Variants in MIPOL1 observed in about 807,000 individuals in gnomAD.
MIPOL1 encodes mirror-image polydactyly gene 1 protein.
In MIPOL1, 57 loss-of-function variants were observed where a neutral mutation model predicts 60.9. The observed-to-expected ratio is 0.94, with a 90% confidence interval of 0.76 to 1.17. MIPOL1 has a LOEUF of 1.17. Ranked by LOEUF, MIPOL1 falls within the 50% of genes most tolerant of loss-of-function variation. The probability of loss-of-function intolerance (pLI) is 0.00; values close to 1 mark genes in which losing one functional copy is unlikely to be tolerated. For synonymous variants in MIPOL1, 179 were observed against 168.8 expected, an observed-to-expected ratio of 1.06 and a Z score of -0.47; for missense variants, 551 against 511.6, an observed-to-expected ratio of 1.08 and a Z score of -0.74.
intron 12 of MIPOL1, among the ~76,000 whole-genome samples, chr14:37,501,149 T>C (rs1182300615): frequency 6.6e-6 from 1 of 152,206 alleles, no homozygotes; most frequent in South Asian, 2.1e-4. Context: ...CATTTTAATC[T>C]TTACTAGCCA....
chr14:37,252,032 AAT>A (rs975540558), intron 3 of MIPOL1, among the ~76,000 whole-genome samples: 1 of 151,586 alleles, frequency 6.6e-6, no homozygotes, highest in Non-Finnish European at 1.5e-5. Context: ...CTATATTGTA[AAT>A]ATATATATAT....
chr14:37,470,385 C>A (rs1438144773), intron 11 of MIPOL1, among the ~76,000 whole-genome samples: 2 of 152,040 alleles, frequency 1.3e-5, no homozygotes, highest in Non-Finnish European at 1.5e-5. Context: ...ACGGGAGGGG[C>A]CTGGCGGGAG....
In MIPOL1 at chr14:37,548,280, C is replaced by G. The variant is rs937484212; in HGVS notation, c.*1309C>G. ...TGTACCATTCTTTCATATACCATAG[C>G]AGATTATCCATTTCAATTTTTTTTT... On this transcript the variant is annotated 3_prime_UTR_variant, in exon 13 of 13. Coordinates refer to ENST00000684589, the MANE Select transcript of MIPOL1 (RefSeq NM_001388067.1). The G allele has an allele frequency of 1.3e-5, 2 of 152,010 alleles. No homozygotes were observed. The highest frequency in any genetic ancestry group is 4.8e-5 in the African/African-American group (2 of 41,424). 9.4% of individuals were successfully genotyped at this position (152,010 alleles called of 1,614,324 possible).
chr14:37,428,192 C>T (rs1304961628), intron 11 of MIPOL1, among the ~76,000 whole-genome samples: 1 of 152,186 alleles, frequency 6.6e-6, no homozygotes, highest in Non-Finnish European at 1.5e-5. Flanking sequence ...AACTTCAAGT[C>T]TGACTCTCAA....
At chr14:37,434,362 T>C (rs1279836265) in intron 11 of MIPOL1, 3 of 152,156 alleles carry the variant, frequency 2.0e-5, no homozygotes, top group African/African-American at 7.2e-5. Context: ...TATCCTTCGC[T>C]CATTTTTTGA....
intron 10 of MIPOL1, among the ~76,000 whole-genome samples, chr14:37,402,101 T>G (rs984548863): frequency 6.6e-6 from 1 of 152,142 alleles, no homozygotes; most frequent in Non-Finnish European, 1.5e-5. Flanking sequence ...AGAATGAATT[T>G]TCTTATTCAT....
intron 9 of MIPOL1, among the ~76,000 whole-genome samples, chr14:37,325,522 C>T (rs1236807397): frequency 6.6e-6 from 1 of 151,236 alleles, no homozygotes; most frequent in Non-Finnish European, 1.5e-5. Flanking sequence ...TTCTTTCCTT[C>T]CTTTCTTTTT....
chr14:37,217,605 T>C (rs7146935), intron 1 of MIPOL1, among the ~76,000 whole-genome samples: 39,442 of 152,130 alleles, frequency 0.26, 5,258 homozygotes, highest in South Asian at 0.33. Flanking sequence ...AATCAATCAA[T>C]GTGTACATCA....
intron 11 of MIPOL1, among the ~76,000 whole-genome samples, chr14:37,424,437 C>T (rs2093927156): frequency 6.6e-6 from 1 of 151,996 alleles, no homozygotes. Flanking sequence ...CCAAGGAGGG[C>T]CAACAATTGC....
intron 12 of MIPOL1, chr14:37,545,572 C>T (rs2095544265): frequency 2.0e-6 from 1 of 510,980 alleles, no homozygotes; most frequent in South Asian, 2.7e-5. Context: ...ACAAGATTTG[C>T]CTTTTTACTC....
intron 11 of MIPOL1, among the ~76,000 whole-genome samples, chr14:37,474,150 G>A (rs1296862986): frequency 6.6e-6 from 1 of 152,042 alleles, no homozygotes; most frequent in Non-Finnish European, 1.5e-5. Context: ...ATTATAGTTT[G>A]TTTATATATT....
At chr14:37,470,562 G>A (rs1472305181) in intron 11 of MIPOL1, among the ~76,000 whole-genome samples, 1 of 152,050 alleles carries the variant, frequency 6.6e-6, no homozygotes, top group Non-Finnish European at 1.5e-5. Context: ...ATGCTTGTAA[G>A]TTTTCTGAGG....
chr14:37,299,072 G>GA (rs1422327020), intron 7 of MIPOL1, among the ~76,000 whole-genome samples: 4 of 151,986 alleles, frequency 2.6e-5, no homozygotes, highest in Non-Finnish European at 5.9e-5. Flanking sequence ...TGATAGACTG[G>GA]TTAAGAAAAT....
chr14:37,513,808 G>A (rs905811034), intron 12 of MIPOL1, among the ~76,000 whole-genome samples: 3 of 152,096 alleles, frequency 2.0e-5, no homozygotes, highest in African/African-American at 2.4e-5. Flanking sequence ...TAGAACTAGA[G>A]TTGAGCTACT....
At chr14:37,384,281 A>G (rs2093006781) in intron 10 of MIPOL1, among the ~76,000 whole-genome samples, 1 of 151,864 alleles carries the variant, frequency 6.6e-6, no homozygotes, top group African/African-American at 2.4e-5. Flanking sequence ...CTTATTTATT[A>G]TTGATTGCTT....
intron 9 of MIPOL1, among the ~76,000 whole-genome samples, chr14:37,327,232 A>G (rs1212464149): frequency 1.3e-5 from 2 of 152,194 alleles, no homozygotes; most frequent in Non-Finnish European, 2.9e-5. Flanking sequence ...TCCAGGTAAG[A>G]AAATGAAATG....
chr14:37,407,704 C>T (rs552813022), intron 10 of MIPOL1, among the ~76,000 whole-genome samples: 1 of 151,980 alleles, frequency 6.6e-6, no homozygotes, highest in Non-Finnish European at 1.5e-5. Context: ...GATATTGTCA[C>T]ACAGGTAATA....
chr14:37,543,334 G>T (rs929104995), intron 12 of MIPOL1, among the ~76,000 whole-genome samples: 10 of 152,096 alleles, frequency 6.6e-5, no homozygotes, highest in African/African-American at 2.4e-4. Context: ...GGAGAGCAAT[G>T]GTGTGATCTC....
intron 12 of MIPOL1, among the ~76,000 whole-genome samples, chr14:37,515,388 C>T (rs2095361983): frequency 1.3e-5 from 2 of 151,184 alleles, no homozygotes; most frequent in South Asian, 4.2e-4. Flanking sequence ...TCTACAAATT[C>T]CATGTAAATG....
Sources: gnomAD v4.1 joint callset for allele counts (sites outside exome capture counted in the v4.1 genomes callset) on GRCh38, gnomAD v4.1.1 for gene constraint, MANE v1.5 for transcripts, NCBI Gene and HGNC (gene_info 2026-07-23, HGNC 2026-07-21) for gene names.